Variants in TMEM232 observed in about 807,000 individuals in gnomAD.
TMEM232 encodes the protein transmembrane protein 232.
TMEM232 carries 80 observed loss-of-function variants against 78.8 expected under a neutral mutation model. That is an observed-to-expected ratio of 1.01 (90% CI 0.85 to 1.22). The LOEUF is 1.22. TMEM232 is among the 50% of genes most tolerant of loss of function. The pLI is 0.00. For missense variants in TMEM232, 881 were observed against 742.2 expected (o/e 1.19, Z -2.17); for synonymous variants, 297 against 254.3 (o/e 1.17, Z -1.60).
At chr5:110,607,665 C>T (rs1233767958) in intron 8 of TMEM232, among the ~76,000 whole-genome samples, 1 of 151,938 alleles carries the variant, frequency 6.6e-6, no homozygotes, top group Non-Finnish European at 1.5e-5. Context: ...CCTAGACTCC[C>T]TTGAAGCTTG....
chr5:110,607,529 A>G (rs998907651), intron 8 of TMEM232, among the ~76,000 whole-genome samples: 1 of 152,030 alleles, frequency 6.6e-6, no homozygotes, highest in Non-Finnish European at 1.5e-5. Context: ...AATTCTCTGT[A>G]TCTTGATTGG....
chr5:110,432,104 T>C (rs529392814), intron 12 of TMEM232, among the ~76,000 whole-genome samples: 1 of 151,084 alleles, frequency 6.6e-6, no homozygotes, highest in Non-Finnish European at 1.5e-5. Flanking sequence ...AGTAGAGAGG[T>C]TGACATGCAG....
rs1453380909 is a variant in TMEM232 at position 110,554,030 on chromosome 5, G to A, written c.1455+14417C>T. Reference sequence around the variant, plus strand: ...GAATCACATTTATTGTTTTGCGTATGTTGAATCGATCTTCCATCCCAGGAA... The same window carrying A: ...GAATCACATTTATTGTTTTGCGTATATTGAATCGATCTTCCATCCCAGGAA... On this transcript the variant is annotated intron_variant, in intron 11 of 13. Coordinates refer to ENST00000455884, the MANE Select transcript of TMEM232 (RefSeq NM_001039763.4). Among the ~76,000 whole-genome samples the A allele has an allele frequency of 2.0e-5, 3 of 152,112 alleles. No homozygotes were observed. In the East Asian group the frequency reaches 5.8e-4, roughly 29 times the overall value.
chr5:110,680,963 T>C (rs1159588815), intron 1 of TMEM232, among the ~76,000 whole-genome samples: 2 of 149,992 alleles, frequency 1.3e-5, no homozygotes, highest in Admixed American at 1.3e-4. Flanking sequence ...AGAAAAGGGG[T>C]AAAGAGAGAG....
intron 12 of TMEM232, among the ~76,000 whole-genome samples, chr5:110,428,977 A>G (rs898924583): frequency 6.6e-6 from 1 of 151,830 alleles, no homozygotes; most frequent in African/African-American, 2.4e-5. Context: ...GTAGACTGAG[A>G]TGGCTGGGAC....
At chr5:110,644,714 A>G (rs1446260772) in intron 2 of TMEM232, among the ~76,000 whole-genome samples, 1 of 151,806 alleles carries the variant, frequency 6.6e-6, no homozygotes, top group Non-Finnish European at 1.5e-5. Context: ...AACTATAAAA[A>G]GAATAATCCT....
intron 5 of TMEM232, among the ~76,000 whole-genome samples, chr5:110,628,731 G>A (rs149732502): frequency 0.01 from 1,518 of 150,756 alleles, 37 homozygotes; most frequent in African/African-American, 0.035. Context: ...GCAATGCAGG[G>A]TATCATGTAA....
chr5:110,419,167 ATT>A (rs11285256), downstream of TMEM232, among the ~76,000 whole-genome samples: 2 of 149,240 alleles, frequency 1.3e-5, no homozygotes, highest in East Asian at 2.0e-4. Context: ...TCTTCTATAG[ATT>A]TTTTTTTTTC....
chr5:110,390,578 G>T (rs182819483), exon 4 of TMEM232: 1 of 152,170 alleles, frequency 6.6e-6, no homozygotes, highest in East Asian at 1.9e-4. Context: ...AGATAGGATC[G>T]TATGATGGGT....
intron 1 of TMEM232, among the ~76,000 whole-genome samples, chr5:110,676,749 T>TTATA (rs1792079276): frequency 6.7e-6 from 1 of 148,552 alleles, no homozygotes; most frequent in Non-Finnish European, 1.5e-5. Flanking sequence ...ATTTATTTAT[T>TTATA]TATTTATTTA....
chr5:110,480,478 A>G (rs1396038368), intron 12 of TMEM232, among the ~76,000 whole-genome samples: 1 of 152,014 alleles, frequency 6.6e-6, no homozygotes, highest in Non-Finnish European at 1.5e-5. Context: ...ACCTGAGTAA[A>G]AGATTTAGAT....
At chr5:110,625,244 A>G in intron 7 of TMEM232, 23 bp downstream of exon 7, 2 of 1,493,370 alleles carry the variant, frequency 1.3e-6, no homozygotes, top group South Asian at 1.4e-5. Flanking sequence ...AACAGGATAT[A>G]CCCACCATAC....
chr5:110,492,304 C>A (rs777250640), intron 12 of TMEM232, among the ~76,000 whole-genome samples: 36 of 151,492 alleles, frequency 2.4e-4, no homozygotes, highest in Non-Finnish European at 4.3e-4. Flanking sequence ...CACATAAATG[C>A]AAAATGTAAC....
chr5:110,566,560 C>G (rs1776365020), intron 11 of TMEM232, among the ~76,000 whole-genome samples: 2 of 151,958 alleles, frequency 1.3e-5, no homozygotes, highest in African/African-American at 2.4e-5. Context: ...CTGCCAGTCT[C>G]TTTGCATAGC....
chr5:110,680,396 C>CAAAAAAAAAAAAAAAAA, intron 1 of TMEM232, among the ~76,000 whole-genome samples: 1 of 24,660 alleles, frequency 4.1e-5, no homozygotes, highest in Non-Finnish European at 8.3e-5. Context: ...GACTCTATCT[C>CAAAAAAAAAAAAAAAAA]AAAAAAAAAA....
chr5:110,509,004 A>ATGTG (rs1451713157), intron 12 of TMEM232, among the ~76,000 whole-genome samples: 1 of 145,224 alleles, frequency 6.9e-6, no homozygotes, highest in African/African-American at 2.5e-5. Context: ...ATATGTATAT[A>ATGTG]TATATGTATA....
chr5:110,705,472 T>C (rs1034280793), intron 1 of TMEM232, among the ~76,000 whole-genome samples: 1 of 152,048 alleles, frequency 6.6e-6, no homozygotes, highest in African/African-American at 2.4e-5. Context: ...TAAATCAAAC[T>C]GCTCAAGTAA....
chr5:110,665,940 G>A (rs1298205049), intron 2 of TMEM232, among the ~76,000 whole-genome samples: 1 of 150,368 alleles, frequency 6.7e-6, no homozygotes, highest in Non-Finnish European at 1.5e-5. Flanking sequence ...ATACTGGCAT[G>A]TGCCCGTGGT....
intron 12 of TMEM232, among the ~76,000 whole-genome samples, chr5:110,467,713 A>G (rs1306465300): frequency 6.6e-6 from 1 of 152,240 alleles, no homozygotes; most frequent in Non-Finnish European, 1.5e-5. Flanking sequence ...ACTGCCATTA[A>G]AAAGTACCAC....
Sources: allele counts gnomAD v4.1 joint callset (sites outside exome capture counted in the v4.1 genomes callset), GRCh38; gene constraint gnomAD v4.1.1; transcripts MANE v1.5; gene names NCBI Gene and HGNC (gene_info 2026-07-23, HGNC 2026-07-21).